The following LFNG variants were observed in gnomAD, a reference collection of about 807,000 sequenced individuals.
LFNG encodes LFNG O-fucosylpeptide 3-beta-N-acetylglucosaminyltransferase.
Under a neutral mutation model 32.7 loss-of-function variants are expected in LFNG, and 15 were observed. The observed-to-expected ratio is 0.46, with a 90% CI of 0.31 to 0.71. The LOEUF is 0.71. Ranked by LOEUF, LFNG falls within the 30% of genes least tolerant of loss-of-function variation. The pLI is 0.06. For synonymous variants in LFNG, 274 were observed against 246.8 expected (o/e 1.11, Z -1.03); for missense variants, 520 against 545.7 (o/e 0.95, Z 0.47).
upstream of LFNG, chr7:2,517,695 G>A (rs1386141840): frequency 4.3e-6 from 2 of 468,256 alleles, no homozygotes; most frequent in African/African-American, 2.0e-5. Flanking sequence ...CGGTGCCACT[G>A]ATGTAAAGTC....
In LFNG at chr7:2,512,689, C is replaced by T. The variant is rs780326794; in HGVS notation, c.35C>T (p.Thr12Met). ...CAGACAGGAAGGCTCAGGCTGGACA[C>T]GTATTGTATGAGGTGGGCCTCAGGG... is the stretch of plus-strand genomic sequence containing the variant. Residue 12 changes from threonine to methionine, a missense_variant, in exon 1 of 9, where the codon ACG becomes ATG. Coordinates refer to the LFNG transcript ENST00000402506. 6.8e-6 allele frequency: 11 copies of T among 1,613,660 alleles called. No individual in the cohort carries two copies. In the East Asian group the frequency reaches 1.8e-4, roughly 26 times the overall value.
In LFNG at chr7:2,527,010, C is replaced by T. The variant is rs1402443132; in HGVS notation, c.1073+89C>T. The stretch of plus-strand genomic sequence containing the variant: ...GGAGCTGCAGCAGGGTCTCTCTAAG[C>T]GGCATGACTCTACATAGAGGTGTCC... On this transcript the variant is annotated intron_variant, in intron 7 of 7. Transcript: ENST00000222725. The surrounding 1 kb of genome is among the most constrained non-coding windows in gnomAD (Gnocchi z 4.4). 6.2e-5 allele frequency: 88 copies of T among 1,427,394 alleles called. No individual in the cohort carries two copies. The highest frequency in any genetic ancestry group is 1.3e-4 in the South Asian group (11 of 84,790). The allele number at this position is 1,427,394 out of a possible 1,614,324, so 88.4% of individuals were successfully genotyped here.
chr7:2,515,446 G>A (rs925949811), upstream of LFNG, among the ~76,000 whole-genome samples: 1 of 152,214 alleles, frequency 6.6e-6, no homozygotes, highest in Non-Finnish European at 1.5e-5. Context: ...AGCAGAGGGG[G>A]ATGGGGAGGA....
At chr7:2,517,333 C>T (rs540165880), upstream of LFNG, among the ~76,000 whole-genome samples, 2 of 152,318 alleles carry the variant, frequency 1.3e-5, no homozygotes, top group East Asian at 1.9e-4. Flanking sequence ...CCTCCCGCTG[C>T]TTCCAGACAG....
At chr7:2,514,957 T>C (rs1283718134), upstream of LFNG, among the ~76,000 whole-genome samples, 2 of 152,052 alleles carry the variant, frequency 1.3e-5, no homozygotes, top group African/African-American at 2.4e-5. Context: ...TATCCATTCA[T>C]CCATCTATCC....
Position 2,526,540 on chromosome 7 carries a change from G to GAGTGACCCCCCCTGGCT in LFNG, c.987+131_987+132insAGTGACCCCCCCTGGCT. 9.9e-7 allele frequency: 1 copy of GAGTGACCCCCCCTGGCT among 1,007,072 alleles called. No individual in the cohort carries two copies. Among genetic ancestry groups the GAGTGACCCCCCCTGGCT allele is most frequent in the Non-Finnish European group, 1.5e-6 (1 of 673,482 alleles). The allele number at this position is 1,007,072 out of a possible 1,614,324, so 62.4% of individuals were successfully genotyped here. On this transcript the variant is annotated intron_variant, in intron 6 of 7. Coordinates refer to ENST00000222725, the MANE Select transcript of LFNG (RefSeq NM_001040167.2). The surrounding 1 kb of genome is among the most constrained non-coding windows in gnomAD (Gnocchi z 6.9). ...CAGGCAGCACTCCACTGTCAGCCAG[G>GAGTGACCCCCCCTGGCT]GGGGGTCACTCCTGCCATGAGCTCA...
Position 2,527,278 on chromosome 7 carries a change from G to A in LFNG, c.*66G>A, listed in dbSNP as rs559796856. The A allele has an allele frequency of 2.0e-5, 32 of 1,591,362 alleles. No homozygotes were observed. The East Asian group carries it at 2.5e-4, about 12-fold the overall frequency. ...CCAAAGGGCCCAGGGACCCTGTTGC[G>A]CTGCCCTGGCCTCGGCATTCGAGGC... On this transcript the variant is annotated 3_prime_UTR_variant, in exon 8 of 8. Transcript: ENST00000222725. The surrounding 1 kb of genome is among the most constrained non-coding windows in gnomAD (Gnocchi z 4.4).
Position 2,519,793 on chromosome 7 carries a change from G to A in LFNG, c.-69G>A. 2 of 926,592 alleles carry A rather than the reference G, an allele frequency of 2.2e-6. No individual in the cohort carries two copies. Among genetic ancestry groups the A allele is most frequent in the Non-Finnish European group, 1.3e-6 (1 of 768,864 alleles). 57.4% of individuals were successfully genotyped at this position (926,592 alleles called of 1,614,324 possible). A position where few individuals can be genotyped will look rare whatever the true frequency, so the allele number is the denominator to read the frequency against. ...TGCGCTGCTGGACTGCGCCGCCGGA[G>A]CGACGGGCTTCGGGTCGGTGCAAGG... On this transcript the variant is annotated 5_prime_UTR_variant, in exon 1 of 8. Coordinates refer to ENST00000222725, the MANE Select transcript of LFNG (RefSeq NM_001040167.2).
At chr7:2,525,887 C>G (rs2128377600) in intron 5 of LFNG, 117 bp downstream of exon 5, 1 of 878,526 alleles carries the variant, frequency 1.1e-6, no homozygotes, top group African/African-American at 1.7e-5. Flanking sequence ...TGGCACTGCC[C>G]ACTTACTTCC....
intron 1 of LFNG, among the ~76,000 whole-genome samples, chr7:2,523,071 C>T (rs1430650926): frequency 6.6e-6 from 1 of 152,240 alleles, no homozygotes; most frequent in African/African-American, 2.4e-5. Context: ...CTTTAATCTC[C>T]GTAGCCTTGG....
intron 1 of LFNG, among the ~76,000 whole-genome samples, chr7:2,521,154 C>G (rs955696114): frequency 2.0e-5 from 3 of 151,112 alleles, no homozygotes; most frequent in African/African-American, 7.3e-5. Context: ...GCCTTCTGAC[C>G]TGGCGCTGTC....
intron 3 of LFNG, 33 bp downstream of exon 3, chr7:2,525,351 T>TGCCCGAGCCTGGCAGC: frequency 6.2e-7 from 1 of 1,612,018 alleles, no homozygotes; most frequent in Non-Finnish European, 8.5e-7. Context: ...CCCATCTCCC[T>TGCCCGAGCCTGGCAGC]GCCCGAGCCT....
intron 2 of LFNG, 56 bp downstream of exon 2, chr7:2,524,799 C>G: frequency 1.4e-6 from 2 of 1,476,824 alleles, no homozygotes; most frequent in Non-Finnish European, 1.9e-6. Context: ...GAGCCGAACG[C>G]TCCCCCTCCA....
intron 1 of LFNG, chr7:2,512,729 A>C (rs1162075306): frequency 6.2e-7 from 1 of 1,610,052 alleles, no homozygotes; most frequent in South Asian, 1.1e-5. Context: ...TTTTCCTCCT[A>C]GAATGCCACT....
In LFNG at chr7:2,520,027, G is replaced by T. The variant is rs1222138831; in HGVS notation, c.166G>T (p.Gly56Trp). The T allele has an allele frequency of 4.9e-6, 5 of 1,023,832 alleles. No homozygotes were observed. Among genetic ancestry groups the T allele is most frequent in the Non-Finnish European group, 4.7e-6 (4 of 858,656 alleles). The allele number at this position is 1,023,832 out of a possible 1,614,324, so 63.4% of individuals were successfully genotyped here. A position where few individuals can be genotyped will look rare whatever the true frequency, so the allele number is the denominator to read the frequency against. The change falls in exon 1 of 8, where the codon GGG (glycine) becomes TGG (tryptophan). Residue 56 changes from glycine (G) to tryptophan (W), a missense_variant. By Grantham distance (184) the Gly-to-Trp change is radical. Transcript: ENST00000222725. The surrounding 1 kb of genome is among the most constrained non-coding windows in gnomAD (Gnocchi z 5.0). The stretch of plus-strand genomic sequence containing the variant: ...CCCCGCGGGGGCTGCCCCGGCGCCC[G>T]GGCTGGGGGCGGCGGCGGCGGCGCC... Reference protein sequence around the residue: ...AGPAGAAPAPGLGAAAAAPGA... With the variant: ...AGPAGAAPAPWLGAAAAAPGA...
rs1254351218 is a variant in LFNG, at chr7:2,525,548, G to A, written c.716G>A (p.Arg239Gln). The change falls in exon 4 of 8, where the codon CGG (arginine) becomes CAG (glutamine). Residue 239 changes from arginine (R) to glutamine (Q), a missense_variant. This residue lies in a region of LFNG where 360 missense variants were observed against 354.7 expected (regional missense o/e 1.01). Coordinates refer to ENST00000222725, the MANE Select transcript of LFNG (RefSeq NM_001040167.2). ...SLDRPIQAME[R>Q]VSENKVRPVH... The stretch of plus-strand genomic sequence containing the variant: ...GACAGGCCCATCCAGGCCATGGAGC[G>A]GGTCAGCGAGAACAAGGTGGTGAGT... The A allele has an allele frequency of 6.8e-6, 11 of 1,612,248 alleles. No homozygotes were observed. The East Asian group carries it at 8.9e-5, about 13-fold the overall frequency.
chr7:2,521,368 CGGCCG>C (rs1031221931), intron 1 of LFNG, among the ~76,000 whole-genome samples: 4 of 152,176 alleles, frequency 2.6e-5, no homozygotes, highest in Non-Finnish European at 5.9e-5. Flanking sequence ...TTTTGTTTGG[CGGCCG>C]GGCCGTTAGG....
At position 2,526,312 on chromosome 7, in the gene LFNG, T is replaced by C. The variant is rs376750300; in HGVS notation, c.890T>C (p.Val297Ala). 1.2e-6 allele frequency: 2 copies of C among 1,612,736 alleles called. No homozygotes were observed. The highest frequency in any genetic ancestry group is 2.7e-5 in the African/African-American group (2 of 74,910). ...GATGACTGCACCATCGGCTACATCG[T>C]GGAGGCCCTGCTGGGTGTGCCCCTC... ...LPDDCTIGYI[V>A]EALLGVPLIR... The change falls in exon 6 of 8, where the codon GTG (valine) becomes GCG (alanine). Residue 297 changes from valine (V) to alanine (A), a missense_variant. Around this residue, in one of 3 missense-constraint regions of LFNG, gnomAD observed 150 missense variants for 159.9 expected, o/e 0.94. Transcript: ENST00000222725. This position sits in a 1 kb window ranked among gnomAD's most constrained non-coding sequence, Gnocchi z 6.9.
chr7:2,528,383 C>G lies in LFNG; in HGVS notation c.*1171C>G. ...TTCTCAGGGAATTGAAGTGTTGTTG[C>G]TATGGTGACGTCCTTTTGCTGTGAA... On this transcript the variant is annotated 3_prime_UTR_variant, in exon 8 of 8. Coordinates refer to ENST00000222725, the MANE Select transcript of LFNG (RefSeq NM_001040167.2). The G allele has an allele frequency of 1.0e-6, 1 of 986,698 alleles. No homozygotes were observed. Among genetic ancestry groups the G allele is most frequent in the Non-Finnish European group, 1.2e-6 (1 of 830,338 alleles). 61.1% of individuals were successfully genotyped at this position (986,698 alleles called of 1,614,324 possible).
Sources: allele counts gnomAD v4.1 joint callset (sites outside exome capture counted in the v4.1 genomes callset), GRCh38; gene constraint gnomAD v4.1.1; regional missense constraint gnomAD v4.1.1; non-coding constraint Gnocchi (gnomAD v3.1); transcripts MANE v1.5; gene names NCBI Gene and HGNC (gene_info 2026-07-23, HGNC 2026-07-21).